Variants in PCDHGC5 observed in about 807,000 individuals in gnomAD.
PCDHGC5 encodes the protein protocadherin gamma-C5.
A neutral mutation model predicts 59.0 loss-of-function variants in PCDHGC5; 25 were observed. That is an observed-to-expected ratio of 0.42 (90% CI 0.31 to 0.59). PCDHGC5 has a LOEUF of 0.59. Among genes scored for constraint, PCDHGC5 ranks in the 20% least tolerant of loss-of-function variants. The pLI, the probability that PCDHGC5 is intolerant of heterozygous loss-of-function variation, is 0.13. For synonymous variants in PCDHGC5, 434 were observed against 505.5 expected (o/e 0.86, Z 1.90); for missense variants, 1,067 against 1,206.4 (o/e 0.88, Z 1.71).
At chr5:141,508,162 G>A (rs377676571) in intron 3 of PCDHGC5, 4 of 152,502 alleles carry the variant, frequency 2.6e-5, no homozygotes, top group African/African-American at 9.7e-5. Context: ...CCTGAGTAGA[G>A]GCTGGCACAG....
At chr5:141,505,780 G>A (rs1595982811) in intron 3 of PCDHGC5, among the ~76,000 whole-genome samples, 1 of 139,456 alleles carries the variant, frequency 7.2e-6, no homozygotes, top group Non-Finnish European at 1.6e-5. Flanking sequence ...TCCTAGCTCT[G>A]CTACTATCCT....
intron 2 of PCDHGC5, among the ~76,000 whole-genome samples, chr5:141,501,802 C>T (rs2099811151): frequency 1.3e-5 from 2 of 152,154 alleles, no homozygotes; most frequent in Non-Finnish European, 2.9e-5. Context: ...ATCTCTTACC[C>T]AGCTTCACAT....
At chr5:141,494,326 G>C (rs2154591458) in intron 1 of PCDHGC5, among the ~76,000 whole-genome samples, 1 of 152,312 alleles carries the variant, frequency 6.6e-6, no homozygotes, top group Middle Eastern at 3.4e-3. Context: ...GGCACCAAAA[G>C]GGTTACCAAG....
Position 141,489,088 on chromosome 5 carries a change from G to GCCA in PCDHGC5, c.-153_-152insCCA. ...CCCCTGCCCACCCCCGCCACTCGGTGACTAAGAACTGCTGCAAGCAGGCAA... is the reference window on the plus strand; with the variant it reads ...CCCCTGCCCACCCCCGCCACTCGGTGCCAACTAAGAACTGCTGCAAGCAGGCAA... On this transcript the variant is annotated 5_prime_UTR_variant, in exon 1 of 4. Coordinates refer to ENST00000252087, the MANE Select transcript of PCDHGC5 (RefSeq NM_018929.3). This position sits in a 1 kb window ranked among gnomAD's most constrained non-coding sequence, Gnocchi z 4.5. The GCCA allele has an allele frequency of 2.9e-6, 1 of 347,238 alleles. No individual in the cohort carries two copies. 21.5% of individuals were successfully genotyped at this position (347,238 alleles called of 1,614,324 possible). A position where few individuals can be genotyped will look rare whatever the true frequency, so the allele number is the denominator to read the frequency against.
chr5:141,489,692 G>C lies in PCDHGC5; in HGVS notation c.452G>C (p.Arg151Pro), dbSNP rs768806028. The stretch of plus-strand genomic sequence containing the variant: ...TCAGAATCAGCAGCATCTGGGGCAC[G>C]ATTCCCACTGGACAGTGCCCAGGAT... ...RISESAASGA[R>P]FPLDSAQDPD... is the part of the protein sequence containing the mutation. The change falls in exon 1 of 4, where the codon CGA becomes CCA. Residue 151 changes from arginine (R) to proline (P), a missense_variant. Physicochemically the swap from Arg to Pro is moderately radical, Grantham distance 103. Transcript: ENST00000252087. This position sits in a 1 kb window ranked among gnomAD's most constrained non-coding sequence, Gnocchi z 4.5. 6.2e-7 allele frequency: 1 copy of C among 1,614,128 alleles called. No individual in the cohort carries two copies. Among genetic ancestry groups the C allele is most frequent in the South Asian group, 1.1e-5 (1 of 91,080 alleles).
At position 141,511,397 on chromosome 5, in the gene PCDHGC5, C is replaced by A; in HGVS notation, c.*224C>A. ...AGCAGTTCCGCTGGGAACCCCCATC[C>A]AATCAACTGCTGTACCCATGGGGGT... On this transcript the variant is annotated 3_prime_UTR_variant, in exon 4 of 4. Coordinates refer to ENST00000252087, the MANE Select transcript of PCDHGC5 (RefSeq NM_018929.3). 1.0e-6 allele frequency: 1 copy of A among 1,002,376 alleles called. No individual in the cohort carries two copies. The highest frequency in any genetic ancestry group is 1.4e-6 in the Non-Finnish European group (1 of 705,546). 62.1% of individuals were successfully genotyped at this position (1,002,376 alleles called of 1,614,324 possible). A position where few individuals can be genotyped will look rare whatever the true frequency, so the allele number is the denominator to read the frequency against.
intron 1 of PCDHGC5, 82 bp from the exon 2 acceptor site, chr5:141,494,725 C>T: frequency 6.2e-7 from 1 of 1,610,026 alleles, no homozygotes; most frequent in Middle Eastern, 1.7e-4. Context: ...CCCTCCTTCT[C>T]TCCCGGCCCA....
intron 2 of PCDHGC5, 102 bp from the exon 3 acceptor site, chr5:141,505,291 G>A (rs2154593677): frequency 1.3e-6 from 2 of 1,565,092 alleles, no homozygotes; most frequent in Non-Finnish European, 1.7e-6. Context: ...TGGGCATGGG[G>A]TAGGGTTAGG....
chr5:141,492,320 G>A (rs1001784912), intron 1 of PCDHGC5, among the ~76,000 whole-genome samples: 1 of 152,206 alleles, frequency 6.6e-6, no homozygotes. Flanking sequence ...CTCCTCGCAC[G>A]TGGGCTTACG....
rs1446853595 is a variant in PCDHGC5 at position 141,491,363 on chromosome 5, C to A, written c.2123C>A (p.Thr708Asn). The A allele has an allele frequency of 1.2e-6, 2 of 1,614,182 alleles. No homozygotes were observed. Among genetic ancestry groups the A allele is most frequent in the South Asian group, 2.2e-5 (2 of 91,082 alleles). The change falls in exon 1 of 4, where the codon ACC becomes AAC. Residue 708 changes from threonine to asparagine, a missense_variant. Thr to Asn is a moderately conservative substitution (Grantham distance 65). Coordinates refer to ENST00000252087, the MANE Select transcript of PCDHGC5 (RefSeq NM_018929.3). The surrounding 1 kb of genome is among the most constrained non-coding windows in gnomAD (Gnocchi z 6.9). ...ACCGTCAGTCTCTTATCCCTAGTCA[C>A]CTTCACCTTTCTGTCAGCGAAGTGC... ...LATVSLLSLV[T>N]FTFLSAKCLQ...
In PCDHGC5 at chr5:141,511,364, T is replaced by C. The variant is rs115159796; in HGVS notation, c.*191T>C. The C allele has an allele frequency of 4.6e-4, 610 of 1,317,098 alleles. 5 individuals are homozygous for C. In the African/African-American group the frequency reaches 7.1e-3, roughly 15 times the overall value. The allele number at this position is 1,317,098 out of a possible 1,614,324, so 81.6% of individuals were successfully genotyped here. On this transcript the variant is annotated 3_prime_UTR_variant, in exon 4 of 4. Coordinates refer to ENST00000252087, the MANE Select transcript of PCDHGC5 (RefSeq NM_018929.3). ...ACCCCTTCCCCCCCAGGGGGTTGAA[T>C]ATGCAAAAGCAGTTCCGCTGGGAAC...
chr5:141,491,312 C>T lies in PCDHGC5; in HGVS notation c.2072C>T (p.Thr691Ile), dbSNP rs749198887. Reference protein sequence around the residue: ...LIHPPERSDLTLYLIVALATV... With the variant: ...LIHPPERSDLILYLIVALATV... The stretch of plus-strand genomic sequence containing the variant: ...CACCCTCCTGAGCGTTCAGACCTTA[C>T]CCTTTACCTCATTGTGGCTCTAGCG... Residue 691 changes from threonine to isoleucine, a missense_variant, in exon 1 of 4, where the codon ACC (threonine) becomes ATC (isoleucine). By Grantham distance (89) the Thr-to-Ile change is moderately conservative (BLOSUM62 -1). Transcript: ENST00000252087. The surrounding 1 kb of genome is among the most constrained non-coding windows in gnomAD (Gnocchi z 6.9). 3 of 1,614,170 alleles carry T rather than the reference C, an allele frequency of 1.9e-6. No individual in the cohort carries two copies. Among genetic ancestry groups the T allele is most frequent in the East Asian group, 4.5e-5 (2 of 44,878 alleles).
Position 141,489,119 on chromosome 5 carries a change from C to T in PCDHGC5, c.-122C>T, listed in dbSNP as rs1236074950. The T allele has an allele frequency of 2.0e-5, 13 of 650,240 alleles. No individual in the cohort carries two copies. Among genetic ancestry groups the T allele is most frequent in the African/African-American group, 9.1e-5 (5 of 55,178 alleles). 40.3% of individuals were successfully genotyped at this position (650,240 alleles called of 1,614,324 possible). ...GAACTGCTGCAAGCAGGCAAACCTC[C>T]GAGCAGTTTTTAAGAGGCTGGAAGG... On this transcript the variant is annotated 5_prime_UTR_variant, in exon 1 of 4. Coordinates refer to ENST00000252087, the MANE Select transcript of PCDHGC5 (RefSeq NM_018929.3). This position sits in a 1 kb window ranked among gnomAD's most constrained non-coding sequence, Gnocchi z 4.5.
chr5:141,490,566 C>T lies in PCDHGC5; in HGVS notation c.1326C>T (p.Leu442=). 3 of 1,614,132 alleles carry T rather than the reference C, an allele frequency of 1.9e-6. No homozygotes were observed. Among genetic ancestry groups the T allele is most frequent in the Non-Finnish European group, 2.5e-6 (3 of 1,180,028 alleles). The change falls in exon 1 of 4, where the codon CTC becomes CTT. Residue 442 remains leucine (L), a synonymous_variant. Transcript: ENST00000252087. This position sits in a 1 kb window ranked among gnomAD's most constrained non-coding sequence, Gnocchi z 5.4. The part of the protein sequence containing the change: ...PSLHKHLTIR[L]NISDVNDNAP... ...TACACAAACATCTCACCATCAGGCT[C>T]AACATTTCAGATGTCAATGACAATG...
In PCDHGC5 at chr5:141,511,197, C is replaced by A; in HGVS notation, c.*24C>A. 1 of 1,613,140 alleles carries A rather than the reference C, an allele frequency of 6.2e-7. No individual in the cohort carries two copies. Among genetic ancestry groups the A allele is most frequent in the Non-Finnish European group, 8.5e-7 (1 of 1,179,524 alleles). Reference sequence around the variant, plus strand: ...AACATGGAGGCCAGGCCAAGAGCCACAGGGCGGCCTCTCCCCAACCAGCCC... The same window carrying A: ...AACATGGAGGCCAGGCCAAGAGCCAAAGGGCGGCCTCTCCCCAACCAGCCC... On this transcript the variant is annotated 3_prime_UTR_variant, in exon 4 of 4. Transcript: ENST00000252087.
In PCDHGC5 at chr5:141,494,850, G is replaced by C. The variant is rs2099757124; in HGVS notation, c.2504G>C (p.Arg835Thr). 1.2e-6 allele frequency: 2 copies of C among 1,614,124 alleles called. No individual in the cohort carries two copies. The highest frequency in any genetic ancestry group is 1.7e-6 in the Non-Finnish European group (2 of 1,180,018). Reference protein sequence around the residue: ...NTDWRFSQAQRPGTSGSQNGD... With the variant: ...NTDWRFSQAQTPGTSGSQNGD... ...GACTGGCGTTTCTCTCAGGCCCAGA[G>C]ACCCGGCACCAGCGGGTAGGTGACT... is the stretch of plus-strand genomic sequence containing the variant. The change falls in exon 2 of 4, where the codon AGA becomes ACA. Residue 835 changes from arginine to threonine, a missense_variant. Physicochemically the swap from Arg to Thr is moderately conservative, Grantham distance 71. Transcript: ENST00000252087.
At position 141,491,692 on chromosome 5, in the gene PCDHGC5, C is replaced by A. The variant is rs749349869; in HGVS notation, c.2452C>A (p.Arg818=). The A allele has an allele frequency of 6.2e-7, 1 of 1,612,592 alleles. No homozygotes were observed. Among genetic ancestry groups the A allele is most frequent in the Non-Finnish European group, 8.5e-7 (1 of 1,179,338 alleles). Residue 818 remains arginine, a synonymous_variant, in exon 1 of 4, where the codon CGG becomes AGG. Coordinates refer to ENST00000252087, the MANE Select transcript of PCDHGC5 (RefSeq NM_018929.3). This position sits in a 1 kb window ranked among gnomAD's most constrained non-coding sequence, Gnocchi z 6.9. ...GTCCCGCTCTAATACGCTGCGGGAG[C>A]GGAGCCAGGTGAGGGGCTCGGCGCC... The part of the protein sequence containing the change: ...IRSRSNTLRE[R]SQQAPPNTDW...
At position 141,489,969 on chromosome 5, in the gene PCDHGC5, A is replaced by C. The variant is rs746202385; in HGVS notation, c.729A>C (p.Gln243His). The change falls in exon 1 of 4, where the codon CAA becomes CAC. Residue 243 changes from glutamine (Q) to histidine (H), a missense_variant. Coordinates refer to ENST00000252087, the MANE Select transcript of PCDHGC5 (RefSeq NM_018929.3). This position sits in a 1 kb window ranked among gnomAD's most constrained non-coding sequence, Gnocchi z 4.5. ...LDINDNAPTF[Q>H]SSVLRVGIPE... is the part of the protein sequence containing the mutation. The stretch of plus-strand genomic sequence containing the variant: ...TCAATGATAATGCTCCAACCTTCCA[A>C]TCCTCAGTTCTACGTGTGGGAATCC... 4 of 1,614,008 alleles carry C rather than the reference A, an allele frequency of 2.5e-6. No individual in the cohort carries two copies.
At chr5:141,495,071 C>A (rs1391869079) in intron 2 of PCDHGC5, among the ~76,000 whole-genome samples, 1 of 152,160 alleles carries the variant, frequency 6.6e-6, no homozygotes, top group Non-Finnish European at 1.5e-5. Flanking sequence ...AAGCTCAATT[C>A]ACATGCTTGC....
Sources: gnomAD v4.1 joint callset for allele counts (sites outside exome capture counted in the v4.1 genomes callset) on GRCh38, gnomAD v4.1.1 for gene constraint, Gnocchi (gnomAD v3.1) non-coding constraint, MANE v1.5 for transcripts, NCBI Gene and HGNC (gene_info 2026-07-23, HGNC 2026-07-21) for gene names.